Variants in RAD54B observed in about 807,000 individuals in gnomAD.
The protein encoded by RAD54B is RAD54 homolog B.
RAD54B carries 78 observed loss-of-function variants against 95.8 expected under a neutral mutation model. That is an observed-to-expected ratio of 0.81 (90% CI 0.68 to 0.98). RAD54B has a LOEUF of 0.98. Among genes scored for constraint, RAD54B ranks in the 50% least tolerant of loss-of-function variants. The probability of loss-of-function intolerance (pLI) is 0.00; values close to 1 mark genes in which losing one functional copy is unlikely to be tolerated. For synonymous variants in RAD54B, 328 were observed against 354.9 expected (o/e 0.92, Z 0.85); for missense variants, 957 against 1,056.6 (o/e 0.91, Z 1.31).
At chr8:94,447,513 G>A (rs1812550007) in intron 3 of RAD54B, among the ~76,000 whole-genome samples, 1 of 152,196 alleles carries the variant, frequency 6.6e-6, no homozygotes. Context: ...CTCACTCATT[G>A]TGTTGCAGCC....
chr8:94,430,072 G>A lies in RAD54B; in HGVS notation c.305-18757C>T, dbSNP rs951075316. On this transcript the variant is annotated intron_variant, in intron 3 of 14. Transcript: ENST00000336148. ...CTCAAGCCTGTAATCCCAGCACTTT[G>A]GGAGGCCGAGGCGGGCAGATCACGA... 4.2e-6 allele frequency: 4 copies of A among 946,158 alleles called. No individual in the cohort carries two copies. In the African/African-American group the frequency reaches 7.1e-5, roughly 17 times the overall value. The allele number at this position is 946,158 out of a possible 1,614,324, so 58.6% of individuals were successfully genotyped here.
At chr8:94,373,738 A>T (rs1810496594) in intron 14 of RAD54B, among the ~76,000 whole-genome samples, 1 of 152,350 alleles carries the variant, frequency 6.6e-6, no homozygotes, top group South Asian at 2.1e-4. Context: ...TAGAGATTTT[A>T]GTATCTATCC....
intron 2 of RAD54B, 39 bp downstream of exon 2, chr8:94,467,366 C>T (rs773508264): frequency 6.7e-7 from 1 of 1,498,534 alleles, no homozygotes; most frequent in South Asian, 1.4e-5. Context: ...ATACATGCTT[C>T]TCTATATTAT....
At chr8:94,388,419 A>G (rs1048299638) in intron 10 of RAD54B, among the ~76,000 whole-genome samples, 6 of 152,202 alleles carry the variant, frequency 3.9e-5, no homozygotes, top group African/African-American at 1.2e-4. Context: ...AACTGACTTA[A>G]TGCTACTGGT....
chr8:94,464,049 A>C (rs1812970467), intron 2 of RAD54B, among the ~76,000 whole-genome samples: 1 of 152,126 alleles, frequency 6.6e-6, no homozygotes. Context: ...TAGATATATA[A>C]ATTGTGGTAT....
chr8:94,422,617 A>AAAATATATAT (rs1554606249), intron 3 of RAD54B, among the ~76,000 whole-genome samples: 1 of 43,572 alleles, frequency 2.3e-5, no homozygotes, highest in African/African-American at 1.0e-4. Context: ...AAAAAAAAAA[A>AAAATATATAT]ATATATATAT....
rs79117483 is a variant in RAD54B, at chr8:94,457,273, T to C, written c.304+995A>G. On this transcript the variant is annotated intron_variant, in intron 3 of 14. Transcript: ENST00000336148. ...TAGGGAGGAAAGAAGGGAGAGCAAG[T>C]CAGTAAGATAGAGCAGAGCTAAACT... 3.8e-3 allele frequency among the ~76,000 whole-genome samples: 579 copies of C among 152,200 alleles called. 6 individuals are homozygous for C. Among genetic ancestry groups the C allele is most frequent in the African/African-American group, 0.013 (528 of 41,540 alleles).
At chr8:94,414,339 C>G (rs1811601908) in intron 3 of RAD54B, among the ~76,000 whole-genome samples, 2 of 152,164 alleles carry the variant, frequency 1.3e-5, no homozygotes, top group East Asian at 3.9e-4. Flanking sequence ...GCCTAATTGC[C>G]CTGGCCAGAA....
chr8:94,467,053 C>T (rs779847323), intron 2 of RAD54B, among the ~76,000 whole-genome samples: 1 of 152,096 alleles, frequency 6.6e-6, no homozygotes, highest in African/African-American at 2.4e-5. Flanking sequence ...CTCAGCCTCC[C>T]GAGTAGCTGA....
chr8:94,440,068 T>C (rs1328005867), intron 3 of RAD54B, among the ~76,000 whole-genome samples: 2 of 152,210 alleles, frequency 1.3e-5, no homozygotes, highest in Non-Finnish European at 2.9e-5. Flanking sequence ...ATTTTTATTT[T>C]CTTCCATGTT....
At chr8:94,401,558 T>C (rs376103173) in intron 6 of RAD54B, among the ~76,000 whole-genome samples, 3 of 152,142 alleles carry the variant, frequency 2.0e-5, no homozygotes, top group Admixed American at 6.6e-5. Flanking sequence ...CAGTCAACGG[T>C]AGTTTATTAG....
In RAD54B at chr8:94,467,532, C is replaced by G. The variant is rs189646756; in HGVS notation, c.8G>C (p.Arg3Pro). 12 of 1,612,040 alleles carry G rather than the reference C, an allele frequency of 7.4e-6. No homozygotes were observed. The East Asian group carries it at 2.5e-4, about 33-fold the overall frequency. ...CTGCAACTGACTTGGTGCTGCAGAT[C>G]GTCTCATATTCAGCAGTCGTGACCT... Reference protein sequence around the residue: MRRSAAPSQLQGN... With the variant: MRPSAAPSQLQGN... Residue 3 changes from arginine (R) to proline (P), a missense_variant, in exon 2 of 15, where the codon CGA (arginine) becomes CCA (proline). By Grantham distance (103) the Arg-to-Pro change is moderately radical (BLOSUM62 -2). Transcript: ENST00000336148.
At chr8:94,374,278 CA>C (rs71273329) in intron 14 of RAD54B, among the ~76,000 whole-genome samples, 93 of 124,134 alleles carry the variant, frequency 7.5e-4, no homozygotes, top group Middle Eastern at 4.4e-3. Context: ...GACTCCGTCT[CA>C]AAAAAAAAAA....
At chr8:94,431,404 C>T (rs1304951910) in intron 3 of RAD54B, 2 of 984,598 alleles carry the variant, frequency 2.0e-6, no homozygotes, top group Admixed American at 6.2e-5. Flanking sequence ...GATTTCACAA[C>T]CTAACAATCT....
chr8:94,453,595 T>C (rs543185426), intron 3 of RAD54B, among the ~76,000 whole-genome samples: 2 of 152,216 alleles, frequency 1.3e-5, no homozygotes, highest in Admixed American at 6.5e-5. Flanking sequence ...TGATATACTG[T>C]TGCAGTAAAA....
At chr8:94,375,033 C>T (rs1386296190) in intron 14 of RAD54B, among the ~76,000 whole-genome samples, 4 of 152,114 alleles carry the variant, frequency 2.6e-5, no homozygotes, top group Non-Finnish European at 5.9e-5. Context: ...ATCCACTAAA[C>T]TGGCAAGGCT....
In RAD54B at chr8:94,378,175, C is replaced by T. The variant is rs1314839121; in HGVS notation, c.2515+5G>A. ...ACATAGTAACAGAATTAAAATATAA[C>T]TAACCTGTATGAACTTCTTCTCCTG... On this transcript the variant is annotated splice_donor_5th_base_variant and intron_variant, in intron 14 of 14. Coordinates refer to ENST00000336148, the MANE Select transcript of RAD54B (RefSeq NM_012415.3). The T allele has an allele frequency of 2.5e-6, 4 of 1,593,040 alleles. No homozygotes were observed. Among genetic ancestry groups the T allele is most frequent in the East Asian group, 4.5e-5 (2 of 44,470 alleles).
chr8:94,407,364 T>G (rs899112740), intron 5 of RAD54B, 75 bp downstream of exon 5: 33 of 1,422,694 alleles, frequency 2.3e-5, no homozygotes, highest in Middle Eastern at 2.3e-4. Flanking sequence ...AAAACAAAAT[T>G]TAAACTTCAA....
chr8:94,468,825 T>TC (rs1259288374), intron 1 of RAD54B, among the ~76,000 whole-genome samples: 11 of 150,574 alleles, frequency 7.3e-5, no homozygotes, highest in African/African-American at 2.7e-4. Flanking sequence ...AGACTCTGTC[T>TC]CAAAAAAAAA....
Sources: allele counts gnomAD v4.1 joint callset (sites outside exome capture counted in the v4.1 genomes callset), GRCh38; gene constraint gnomAD v4.1.1; transcripts MANE v1.5; gene names NCBI Gene and HGNC (gene_info 2026-07-23, HGNC 2026-07-21).